SLC43A2: variants seen among roughly 807,000 people sequenced by gnomAD.
The protein encoded by SLC43A2 is large neutral amino acids transporter small subunit 4.
A neutral mutation model predicts 63.2 loss-of-function variants in SLC43A2; 38 were observed. That is an observed-to-expected ratio of 0.60 (90% CI 0.46 to 0.79). SLC43A2 has a LOEUF of 0.79. SLC43A2 is among the 30% of genes least tolerant of loss of function. The pLI is 0.00. For synonymous variants in SLC43A2, 322 were observed against 331.0 expected (o/e 0.97, Z 0.30); for missense variants, 644 against 756.2 (o/e 0.85, Z 1.74).
rs900681825 is a variant in SLC43A2 at position 1,577,260 on chromosome 17, G to A, written c.1425-540C>T. Among the ~76,000 whole-genome samples the A allele has an allele frequency of 6.6e-6, 1 of 152,208 alleles. No homozygotes were observed. Among genetic ancestry groups the A allele is most frequent in the Non-Finnish European group, 1.5e-5 (1 of 68,042 alleles). On this transcript the variant is annotated intron_variant, in intron 12 of 13. Coordinates refer to ENST00000301335, the MANE Select transcript of SLC43A2 (RefSeq NM_152346.3). This position sits in a 1 kb window ranked among gnomAD's most constrained non-coding sequence, Gnocchi z 4.9. ...CCACTCAGCTGTGCCCAGGGCCTGT[G>A]GGTGTCTGGCTGAGCCGAGTGGAAA...
intron 2 of SLC43A2, among the ~76,000 whole-genome samples, chr17:1,621,007 A>G (rs1464072156): frequency 6.6e-6 from 1 of 152,086 alleles, no homozygotes; most frequent in African/African-American, 2.4e-5. Flanking sequence ...GGGTGGCCAG[A>G]AGTGGCCCAG....
intron 1 of SLC43A2, among the ~76,000 whole-genome samples, chr17:1,628,499 C>T (rs528706629): frequency 6.6e-6 from 1 of 152,088 alleles, no homozygotes; most frequent in East Asian, 2.0e-4. Flanking sequence ...GGTCGCTAGG[C>T]GCTGCGGCCA....
chr17:1,626,920 C>G lies in SLC43A2; in HGVS notation c.160+795G>C, dbSNP rs184811054. ...TGGCCCTCCTGTGGGGCTGAATTTA[C>G]TGCCCTGTAGTCATCAGGACCCTCC... On this transcript the variant is annotated intron_variant, in intron 2 of 13. Coordinates refer to ENST00000301335, the MANE Select transcript of SLC43A2 (RefSeq NM_152346.3). 6.2e-3 allele frequency among the ~76,000 whole-genome samples: 942 copies of G among 152,256 alleles called. 4 individuals carry two copies. Among genetic ancestry groups the G allele is most frequent in the Non-Finnish European group, 8.3e-3 (562 of 68,010 alleles).
chr17:1,607,223 G>A (rs556024455), intron 5 of SLC43A2, among the ~76,000 whole-genome samples: 195 of 152,242 alleles, frequency 1.3e-3, no homozygotes, highest in African/African-American at 3.9e-3. Flanking sequence ...ATTCCTAAAG[G>A]CGACCCTGGA....
Position 1,577,947 on chromosome 17 carries a change from G to A in SLC43A2, c.1424+303C>T, listed in dbSNP as rs1031844542. Among the ~76,000 whole-genome samples the A allele has an allele frequency of 2.6e-5, 4 of 152,232 alleles. No homozygotes were observed. Among genetic ancestry groups the A allele is most frequent in the Non-Finnish European group, 5.9e-5 (4 of 68,048 alleles). ...CCAGGGCCAGCCCCAGGACTCGGCT[G>A]TAGTGGCCCCTGAGGCCATAATGAG... On this transcript the variant is annotated intron_variant, in intron 12 of 13. Transcript: ENST00000301335. The surrounding 1 kb of genome is among the most constrained non-coding windows in gnomAD (Gnocchi z 4.9).
At position 1,579,149 on chromosome 17, in the gene SLC43A2, A is replaced by C. The variant is rs982990303; in HGVS notation, c.1351-826T>G. Among the ~76,000 whole-genome samples the C allele has an allele frequency of 1.9e-3, 257 of 138,624 alleles. 2 individuals are homozygous for C. Among genetic ancestry groups the C allele is most frequent in the Non-Finnish European group, 3.3e-3 (212 of 64,082 alleles). 90.9% of individuals were successfully genotyped at this position (138,624 alleles called of 152,430 possible). On this transcript the variant is annotated intron_variant, in intron 11 of 13. Transcript: ENST00000301335. ...GTGAGACTCTGTCTCAAAAAAAAAA[A>C]ATAATAATAATAATAATAATTAAAT...
chr17:1,589,104 G>C (rs1309291212), intron 9 of SLC43A2, among the ~76,000 whole-genome samples: 1 of 152,234 alleles, frequency 6.6e-6, no homozygotes, highest in Non-Finnish European at 1.5e-5. Context: ...GTCTGCCACA[G>C]ACCAACCTTC....
Position 1,616,551 on chromosome 17 carries a change from C to T in SLC43A2, c.368+11G>A. ...TGCCCACTCCCTGCCCCCTAAGGGA[C>T]CCACACTGACCTGCCCAGCAGCCTG... On this transcript the variant is annotated intron_variant, in intron 3 of 13. Coordinates refer to ENST00000301335, the MANE Select transcript of SLC43A2 (RefSeq NM_152346.3). 6.2e-7 allele frequency: 1 copy of T among 1,603,852 alleles called. No homozygotes were observed. Among genetic ancestry groups the T allele is most frequent in the South Asian group, 1.1e-5 (1 of 89,546 alleles).
intron 5 of SLC43A2, among the ~76,000 whole-genome samples, chr17:1,610,405 A>G (rs998335656): frequency 1.4e-5 from 2 of 147,118 alleles, no homozygotes; most frequent in Admixed American, 6.8e-5. Context: ...TGGGACTACA[A>G]GCAACTGCCA....
At chr17:1,622,198 A>T (rs1321501126) in intron 2 of SLC43A2, among the ~76,000 whole-genome samples, 1 of 152,252 alleles carries the variant, frequency 6.6e-6, no homozygotes, top group Non-Finnish European at 1.5e-5. Flanking sequence ...TGGAATTTTT[A>T]AAATTCCAAA....
In SLC43A2 at chr17:1,572,319, G is replaced by C. The variant is rs1363403240; in HGVS notation, c.*3285C>G. On this transcript the variant is annotated 3_prime_UTR_variant, in exon 14 of 14. Coordinates refer to ENST00000301335, the MANE Select transcript of SLC43A2 (RefSeq NM_152346.3). Reference sequence around the variant, plus strand: ...AGAGGTCCCCCTGCCACAGAGGCCTGGTGGCCCCTGAGCTGCTGCTCCGAG... The same window carrying C: ...AGAGGTCCCCCTGCCACAGAGGCCTCGTGGCCCCTGAGCTGCTGCTCCGAG... 6.8e-6 allele frequency: 1 copy of C among 147,068 alleles called. No homozygotes were observed. The highest frequency in any genetic ancestry group is 1.5e-5 in the Non-Finnish European group (1 of 67,670). The allele number at this position is 147,068 out of a possible 1,614,324, so 9.1% of individuals were successfully genotyped here. A position where few individuals can be genotyped will look rare whatever the true frequency, so the allele number is the denominator to read the frequency against.
At chr17:1,594,879 C>T (rs190729775) in intron 5 of SLC43A2, among the ~76,000 whole-genome samples, 1,558 of 152,030 alleles carry the variant, frequency 0.01, 41 homozygotes, top group African/African-American at 0.035. Flanking sequence ...TGAGCCACCG[C>T]GCCCAACCTT....
intron 11 of SLC43A2, among the ~76,000 whole-genome samples, chr17:1,581,547 G>A (rs1046681641): frequency 6.6e-6 from 1 of 152,188 alleles, no homozygotes; most frequent in Middle Eastern, 3.2e-3. Context: ...AAGGCCTCCT[G>A]TAAAAAGGGA....
At chr17:1,581,881 C>T (rs2076020984) in intron 11 of SLC43A2, among the ~76,000 whole-genome samples, 1 of 151,608 alleles carries the variant, frequency 6.6e-6, no homozygotes, top group South Asian at 2.1e-4. Flanking sequence ...TCTCGGCTCA[C>T]TGCAACCTCT....
rs1555541424 is a variant in SLC43A2 at position 1,601,066 on chromosome 17, G to GTT, written c.502-7788_502-7787insAA. Among the ~76,000 whole-genome samples the GTT allele has an allele frequency of 2.0e-3, 302 of 150,390 alleles. 2 individuals are homozygous for GTT. Among genetic ancestry groups the GTT allele is most frequent in the Non-Finnish European group, 2.2e-3 (148 of 67,756 alleles). The stretch of plus-strand genomic sequence containing the variant: ...ATTTTCCACCCCTCCCAGTTTGGTG[G>GTT]TGTTTGTTTGTTTGTTTGTTTGTTT... On this transcript the variant is annotated intron_variant, in intron 5 of 13. Transcript: ENST00000301335.
chr17:1,595,434 C>T (rs2151051368), intron 5 of SLC43A2, among the ~76,000 whole-genome samples: 1 of 152,134 alleles, frequency 6.6e-6, no homozygotes, highest in Non-Finnish European at 1.5e-5. Context: ...CCCACGCCAC[C>T]ATGCCCCAGC....
At chr17:1,627,994 T>C in intron 1 of SLC43A2, 74 bp from the exon 2 acceptor site, 8 of 1,243,674 alleles carry the variant, frequency 6.4e-6, no homozygotes, top group Non-Finnish European at 5.0e-6. Context: ...CCCCGACCGC[T>C]GCCGCAGGGC....
intron 2 of SLC43A2, among the ~76,000 whole-genome samples, chr17:1,620,725 C>G (rs1908081420): frequency 6.6e-6 from 1 of 152,072 alleles, no homozygotes; most frequent in Non-Finnish European, 1.5e-5. Flanking sequence ...CCTTGGTGAG[C>G]CCAGAAGCTC....
intron 10 of SLC43A2, chr17:1,585,522 A>T: frequency 2.2e-6 from 1 of 462,174 alleles, no homozygotes; most frequent in Non-Finnish European, 3.6e-6. Flanking sequence ...TTGGTATTAT[A>T]GGCATGAACC....
Sources: allele counts gnomAD v4.1 joint callset (sites outside exome capture counted in the v4.1 genomes callset), GRCh38; gene constraint gnomAD v4.1.1; non-coding constraint Gnocchi (gnomAD v3.1); transcripts MANE v1.5; gene names NCBI Gene and HGNC (gene_info 2026-07-23, HGNC 2026-07-21).